The following DGKH variants were observed in gnomAD, a reference collection of about 807,000 sequenced individuals.
DGKH encodes diacylglycerol kinase eta, also known as DAG kinase eta.
In DGKH, 90 loss-of-function variants were observed where a neutral mutation model predicts 159.3. The ratio of observed to expected loss-of-function variants is 0.57; its 90% CI spans 0.48 to 0.67. DGKH has a LOEUF of 0.67. Ranked by LOEUF, DGKH falls within the 30% of genes least tolerant of loss-of-function variation. The probability of loss-of-function intolerance (pLI) is 0.00; values close to 1 mark genes in which losing one functional copy is unlikely to be tolerated. For synonymous variants in DGKH, 536 were observed against 553.8 expected (o/e 0.97, Z 0.45); for missense variants, 1,181 against 1,506.1 (o/e 0.78, Z 3.57).
intron 1 of DGKH, among the ~76,000 whole-genome samples, chr13:42,061,988 G>GTGTGTGTGT (rs1555256128): frequency 0.016 from 2,442 of 149,762 alleles, 40 homozygotes; most frequent in East Asian, 0.065. Flanking sequence ...TGTGTGTGTG[G>GTGTGTGTGT]GTGTGTGTGT....
At chr13:42,165,813 T>C (rs1453780871) in intron 8 of DGKH, among the ~76,000 whole-genome samples, 3 of 152,130 alleles carry the variant, frequency 2.0e-5, no homozygotes, top group Admixed American at 1.3e-4. Flanking sequence ...TGTAATTTCA[T>C]TGTAGGAATT....
At chr13:42,125,194 T>C (rs1019012544) in intron 1 of DGKH, among the ~76,000 whole-genome samples, 5 of 152,216 alleles carry the variant, frequency 3.3e-5, no homozygotes, top group Admixed American at 3.3e-4. Context: ...TAACCTCCTC[T>C]CTTGATACAG....
chr13:42,070,895 T>G (rs1270358728), intron 1 of DGKH: 6 of 1,288,096 alleles, frequency 4.7e-6, no homozygotes, highest in Non-Finnish European at 6.8e-6. Context: ...CTAATAATCT[T>G]GATTTCACAT....
intron 3 of DGKH, among the ~76,000 whole-genome samples, chr13:42,133,847 C>T (rs1955342974): frequency 6.6e-6 from 1 of 152,230 alleles, no homozygotes. Flanking sequence ...GACATGTTTT[C>T]AACCAGTAAT....
chr13:42,167,817 A>T (rs1341360996), intron 9 of DGKH, among the ~76,000 whole-genome samples: 1 of 151,746 alleles, frequency 6.6e-6, no homozygotes, highest in Non-Finnish European at 1.5e-5. Context: ...GGCTTCAAGG[A>T]CCTCTCTTGA....
At chr13:42,205,875 AT>A (rs1006841123) in intron 20 of DGKH, among the ~76,000 whole-genome samples, 163 bp from the exon 21 acceptor site, 1 of 151,690 alleles carries the variant, frequency 6.6e-6, no homozygotes, top group Non-Finnish European at 1.5e-5. Context: ...ACTTTTTTTA[AT>A]TAAAAAAAAT....
chr13:42,149,653 C>T (rs138003693), intron 3 of DGKH, among the ~76,000 whole-genome samples: 106 of 152,330 alleles, frequency 7.0e-4, no homozygotes, highest in African/African-American at 2.4e-3. Flanking sequence ...TTATCTAACC[C>T]TTCACCTTTG....
intron 3 of DGKH, among the ~76,000 whole-genome samples, chr13:42,131,298 A>G (rs920802764): frequency 6.6e-6 from 1 of 152,154 alleles, no homozygotes; most frequent in Non-Finnish European, 1.5e-5. Flanking sequence ...TTTTGAATGC[A>G]TTTATATGAA....
intron 3 of DGKH, among the ~76,000 whole-genome samples, chr13:42,132,995 C>T (rs577872172): frequency 2.4e-4 from 36 of 152,014 alleles, no homozygotes; most frequent in African/African-American, 8.4e-4. Flanking sequence ...GGTGAAACCC[C>T]GTCTTTACTA....
chr13:42,137,349 T>G (rs752128365), intron 3 of DGKH, among the ~76,000 whole-genome samples: 3 of 152,238 alleles, frequency 2.0e-5, no homozygotes, highest in Non-Finnish European at 4.4e-5. Context: ...GTTATATTTC[T>G]GTTCTGAATG....
chr13:42,091,701 A>G (rs1249283620), intron 1 of DGKH, among the ~76,000 whole-genome samples: 1 of 152,194 alleles, frequency 6.6e-6, no homozygotes, highest in Non-Finnish European at 1.5e-5. Flanking sequence ...TAACCAGAAT[A>G]TGGAAGGAAC....
rs146776372 is a variant in DGKH at position 42,151,531 on chromosome 13, G to GTA, written c.385-3747_385-3746dup. On this transcript the variant is annotated intron_variant, in intron 3 of 29. Transcript: ENST00000337343. Reference sequence around the variant, plus strand: ...TATACACATGTATATATATACACGTGTATATATATATATACACGTGTATAT... The same window carrying GTA: ...TATACACATGTATATATATACACGTGTATATATATATATATACACGTGTATAT... Among the ~76,000 whole-genome samples the GTA allele has an allele frequency of 1.0e-3, 103 of 98,110 alleles. 1 individual carries two copies. Among genetic ancestry groups the GTA allele is most frequent in the African/African-American group, 1.2e-3 (34 of 27,828 alleles). The allele number at this position is 98,110 out of a possible 152,430, so 64.4% of individuals were successfully genotyped here.
chr13:42,188,698 T>C (rs1297299288), intron 14 of DGKH, among the ~76,000 whole-genome samples: 1 of 152,202 alleles, frequency 6.6e-6, no homozygotes, highest in East Asian at 1.9e-4. Context: ...AAGATGTTTT[T>C]CCCCATGAAA....
chr13:42,101,684 T>A (rs142643232), intron 1 of DGKH, among the ~76,000 whole-genome samples: 2 of 152,008 alleles, frequency 1.3e-5, no homozygotes, highest in East Asian at 3.9e-4. Flanking sequence ...TGAGGAGTAT[T>A]GATTCTAGAG....
chr13:42,115,694 C>T (rs1954953024), intron 1 of DGKH, among the ~76,000 whole-genome samples: 1 of 152,142 alleles, frequency 6.6e-6, no homozygotes, highest in Non-Finnish European at 1.5e-5. Context: ...GAAGATGGGG[C>T]TGTTAAGGAA....
chr13:42,253,564 G>A (rs1958635428), intron 30 of DGKH, among the ~76,000 whole-genome samples: 1 of 152,222 alleles, frequency 6.6e-6, no homozygotes, highest in Non-Finnish European at 1.5e-5. Context: ...TTCAGGTGCT[G>A]CCCTTTGGTG....
Position 42,229,813 on chromosome 13 carries a change from T to G in DGKH, c.*625T>G, listed in dbSNP as rs976409586. The G allele has an allele frequency of 5.3e-5, 8 of 152,376 alleles. No homozygotes were observed. The highest frequency in any genetic ancestry group is 1.2e-4 in the Non-Finnish European group (8 of 68,042). 9.4% of individuals were successfully genotyped at this position (152,376 alleles called of 1,614,324 possible). On this transcript the variant is annotated 3_prime_UTR_variant, in exon 30 of 30. Coordinates refer to ENST00000337343, the MANE Select transcript of DGKH (RefSeq NM_178009.5). ...TGTCACATCTAATACTGTAACACTT[T>G]AAATAGCTTTCATGTCAGTTTTAAT...
chr13:42,076,222 T>C (rs185424877), intron 1 of DGKH, among the ~76,000 whole-genome samples: 1 of 152,278 alleles, frequency 6.6e-6, no homozygotes, highest in East Asian at 1.9e-4. Flanking sequence ...TCATTTCTCA[T>C]GTTGTTTGCA....
intron 21 of DGKH, among the ~76,000 whole-genome samples, chr13:42,207,023 C>CT (rs374791816): frequency 2.0e-5 from 1 of 49,022 alleles, no homozygotes; most frequent in African/African-American, 6.7e-5. Context: ...TTCTTTCTTT[C>CT]TTTTTCTTTC....
Sources: allele counts gnomAD v4.1 joint callset (sites outside exome capture counted in the v4.1 genomes callset), GRCh38; gene constraint gnomAD v4.1.1; transcripts MANE v1.5; gene names NCBI Gene and HGNC (gene_info 2026-07-23, HGNC 2026-07-21).